Variants in SYNE1 observed in about 807,000 individuals in gnomAD.
The protein encoded by SYNE1 is spectrin repeat containing nuclear envelope protein 1.
A neutral mutation model predicts 1,111.0 loss-of-function variants in SYNE1; 616 were observed. That is an observed-to-expected ratio of 0.55 (90% CI 0.52 to 0.59). SYNE1 has a LOEUF of 0.59. Ranked by LOEUF, SYNE1 falls within the 20% of genes least tolerant of loss-of-function variation. The pLI, the probability that SYNE1 is intolerant of heterozygous loss-of-function variation, is 0.00. For synonymous variants in SYNE1, 3,855 were observed against 3,825.8 expected, an observed-to-expected ratio of 1.01 and a Z score of -0.28; for missense variants, 10,006 against 10,417.0, an observed-to-expected ratio of 0.96 and a Z score of 1.72.
intron 87 of SYNE1, among the ~76,000 whole-genome samples, chr6:152,313,565 C>T (rs2095619406): frequency 6.6e-6 from 1 of 151,018 alleles, no homozygotes; most frequent in Non-Finnish European, 1.5e-5. Flanking sequence ...CAGGTTCAAG[C>T]GATTCTCCTG....
chr6:152,187,728 T>TGTGA lies in SYNE1; in HGVS notation c.23301+1523_23301+1524insTCAC, dbSNP rs542612309. Among the ~76,000 whole-genome samples, 331 of 150,988 alleles carry TGTGA rather than the reference T, an allele frequency of 2.2e-3. 3 individuals are homozygous for TGTGA. Among genetic ancestry groups the TGTGA allele is most frequent in the African/African-American group, 7.8e-3 (320 of 41,184 alleles). Reference sequence around the variant, plus strand: ...TAAATCTTTATACAGTTTGTGTGTGTGAGAGAGAGAGAGAGAGATGGAGTT... The same window carrying TGTGA: ...TAAATCTTTATACAGTTTGTGTGTGTGTGAGAGAGAGAGAGAGAGAGATGGAGTT... On this transcript the variant is annotated intron_variant, in intron 128 of 145. Transcript: ENST00000367255.
rs977987685 is a variant in SYNE1 at position 152,312,449 on chromosome 6, C to T, written c.16711-1576G>A. ...GTCTCAAACTCCTGACCTTGTGATC[C>T]GCCAGCCTCGGTCCCCCAAAGTGCT... On this transcript the variant is annotated intron_variant, in intron 87 of 145. Coordinates refer to ENST00000367255, the MANE Select transcript of SYNE1 (RefSeq NM_182961.4). Among the ~76,000 whole-genome samples the T allele has an allele frequency of 3.3e-5, 5 of 150,804 alleles. No homozygotes were observed. The South Asian group carries it at 6.2e-4, about 19-fold the overall frequency.
At chr6:152,512,797 C>T (rs2099091652) in intron 6 of SYNE1, among the ~76,000 whole-genome samples, 1 of 152,138 alleles carries the variant, frequency 6.6e-6, no homozygotes, top group Admixed American at 6.5e-5. Flanking sequence ...GTTTATTTAA[C>T]CTCCCATCTC....
chr6:152,486,821 A>G (rs77733112), intron 12 of SYNE1, among the ~76,000 whole-genome samples: 10,052 of 152,298 alleles, frequency 0.066, 488 homozygotes, highest in Admixed American at 0.13. Context: ...ATTATATAAA[A>G]TCACTAATGC....
At chr6:152,421,530 T>C (rs1336476907) in intron 39 of SYNE1, among the ~76,000 whole-genome samples, 1 of 152,060 alleles carries the variant, frequency 6.6e-6, no homozygotes, top group Non-Finnish European at 1.5e-5. Flanking sequence ...AAAACTACAG[T>C]ATGTATGTTA....
intron 81 of SYNE1, among the ~76,000 whole-genome samples, chr6:152,324,021 T>G (rs1439679634): frequency 6.6e-6 from 1 of 152,112 alleles, no homozygotes; most frequent in Non-Finnish European, 1.5e-5. Flanking sequence ...AACAAAATAC[T>G]CTTTCCAATA....
chr6:152,154,808 G>C, intron 133 of SYNE1, 84 bp downstream of exon 133: 1 of 1,484,498 alleles, frequency 6.7e-7, no homozygotes, highest in Admixed American at 1.7e-5. Flanking sequence ...GTGGTGAACA[G>C]CTAGTTTAGG....
intron 131 of SYNE1, among the ~76,000 whole-genome samples, chr6:152,157,866 C>T (rs1404428656): frequency 6.6e-6 from 1 of 151,648 alleles, no homozygotes; most frequent in Admixed American, 6.6e-5. Context: ...CCTCCTCATT[C>T]TCCTGCCTCA....
chr6:152,305,840 T>C (rs1478701443), intron 91 of SYNE1, among the ~76,000 whole-genome samples: 1 of 152,164 alleles, frequency 6.6e-6, no homozygotes, highest in Non-Finnish European at 1.5e-5. Flanking sequence ...AAGTCACAGT[T>C]GGTTTAAAAC....
Position 152,330,885 on chromosome 6 carries a change from T to C in SYNE1, c.13800A>G (p.Thr4600=), listed in dbSNP as rs184264920. 3.0e-5 allele frequency: 48 copies of C among 1,614,106 alleles called. No individual in the cohort carries two copies. The Admixed American group carries it at 3.2e-4, about 11-fold the overall frequency. ...GAATGTTTTGGTATTTAGCCAGTTG[T>C]GTATGAAGCTCAGAACTCTCATTCA... ...NLMNESSELH[T]QLAKYQNILE... Residue 4600 remains threonine, a synonymous_variant, in exon 78 of 146, where the codon ACA becomes ACG. Transcript: ENST00000367255.
chr6:152,209,911 G>A (rs1044243420), intron 124 of SYNE1, among the ~76,000 whole-genome samples: 21 of 152,016 alleles, frequency 1.4e-4, no homozygotes, highest in Middle Eastern at 3.2e-3. Flanking sequence ...ATCTGTCATC[G>A]CAGAAAATGT....
At chr6:152,271,538 C>T (rs754982905) in intron 98 of SYNE1, among the ~76,000 whole-genome samples, 2 of 152,072 alleles carry the variant, frequency 1.3e-5, no homozygotes, top group African/African-American at 2.4e-5. Context: ...CCACCTTCTG[C>T]GGAATTTCTC....
intron 62 of SYNE1, among the ~76,000 whole-genome samples, chr6:152,365,931 T>C (rs920776040): frequency 6.6e-6 from 1 of 152,206 alleles, no homozygotes; most frequent in Non-Finnish European, 1.5e-5. Context: ...TCTCACACAC[T>C]ACGCTGTTCT....
At chr6:152,233,358 C>T (rs116192888) in intron 112 of SYNE1, among the ~76,000 whole-genome samples, 1 of 151,412 alleles carries the variant, frequency 6.6e-6, no homozygotes, top group African/African-American at 2.4e-5. Context: ...TGGAGACAGT[C>T]TCACTGTCAC....
intron 3 of SYNE1, among the ~76,000 whole-genome samples, chr6:152,596,294 G>A (rs1284291002): frequency 2.9e-5 from 4 of 135,606 alleles, no homozygotes; most frequent in African/African-American, 8.6e-5. Context: ...TTGAGATGAC[G>A]TCTCACTGTG....
At chr6:152,414,067 A>T (rs967529539) in intron 41 of SYNE1, among the ~76,000 whole-genome samples, 2 of 151,366 alleles carry the variant, frequency 1.3e-5, no homozygotes, top group Non-Finnish European at 2.9e-5. Context: ...TAAGGAAATG[A>T]TCATTTTTGT....
Position 152,265,439 on chromosome 6 carries a change from A to G in SYNE1, c.18815+2617T>C, listed in dbSNP as rs1334307528. 3.3e-5 allele frequency among the ~76,000 whole-genome samples: 5 copies of G among 152,236 alleles called. No homozygotes were observed. The East Asian group carries it at 9.6e-4, about 29-fold the overall frequency. ...TTGATACCTTCAGTTGAGTGTCTATAATATTAGTATCTGAATTTTTCTATT... is the reference window on the plus strand; with the variant it reads ...TTGATACCTTCAGTTGAGTGTCTATGATATTAGTATCTGAATTTTTCTATT... On this transcript the variant is annotated intron_variant, in intron 100 of 145. Transcript: ENST00000367255.
At chr6:152,446,440 A>G (rs1368572592) in intron 29 of SYNE1, among the ~76,000 whole-genome samples, 4 of 152,132 alleles carry the variant, frequency 2.6e-5, no homozygotes, top group Non-Finnish European at 5.9e-5. Flanking sequence ...TAAAACTAAA[A>G]TCGTAAGCAG....
intron 3 of SYNE1, among the ~76,000 whole-genome samples, chr6:152,600,343 C>A (rs1268772994): frequency 1.3e-5 from 2 of 152,102 alleles, no homozygotes; most frequent in Admixed American, 6.5e-5. Flanking sequence ...ATAATCCAAA[C>A]AATACTTTTT....
Sources: allele counts gnomAD v4.1 joint callset (sites outside exome capture counted in the v4.1 genomes callset), GRCh38; gene constraint gnomAD v4.1.1; transcripts MANE v1.5; gene names NCBI Gene and HGNC (gene_info 2026-07-23, HGNC 2026-07-21).